Variants in GPC5 observed in about 807,000 individuals in gnomAD.
GPC5 encodes the protein glypican 5.
In GPC5, 47 loss-of-function variants were observed where a neutral mutation model predicts 53.9. The ratio of observed to expected loss-of-function variants is 0.87; its 90% confidence interval spans 0.69 to 1.11. The LOEUF (loss-of-function observed/expected upper bound fraction) is 1.11, where lower values mean the gene tolerates loss of function less well. GPC5 is among the 50% of genes most tolerant of loss of function. The pLI is 0.00. For missense variants in GPC5, 748 were observed against 713.1 expected (o/e 1.05, Z -0.56); for synonymous variants, 286 against 263.3 (o/e 1.09, Z -0.84).
intron 7 of GPC5, among the ~76,000 whole-genome samples, chr13:92,839,764 A>G (rs1326003465): frequency 6.6e-6 from 1 of 152,128 alleles, no homozygotes; most frequent in African/African-American, 2.4e-5. Flanking sequence ...TGAAGAAAAG[A>G]GAGACTACTC....
In GPC5 at chr13:92,297,840, A is replaced by G. The variant is rs182954089; in HGVS notation, c.1561+152851A>G. Among the ~76,000 whole-genome samples the G allele has an allele frequency of 4.7e-3, 713 of 151,230 alleles. 7 individuals carry two copies. The highest frequency in any genetic ancestry group is 0.016 in the African/African-American group (679 of 41,190). Reference sequence around the variant, plus strand: ...TGTTCTTTTGCTCTTGCTACTGCTCACTCTTTGGGTCCACGCTGCTTTTAT... The same window carrying G: ...TGTTCTTTTGCTCTTGCTACTGCTCGCTCTTTGGGTCCACGCTGCTTTTAT... On this transcript the variant is annotated intron_variant, in intron 7 of 7. Transcript: ENST00000377067.
intron 4 of GPC5, among the ~76,000 whole-genome samples, chr13:91,756,024 C>G (rs1424561546): frequency 6.7e-6 from 1 of 149,814 alleles, no homozygotes; most frequent in African/African-American, 2.5e-5. Flanking sequence ...AGATTCATAC[C>G]CAGTGAACCT....
intron 5 of GPC5, among the ~76,000 whole-genome samples, chr13:91,757,276 T>C (rs1029997791): frequency 1.3e-5 from 2 of 152,110 alleles, no homozygotes; most frequent in African/African-American, 4.8e-5. Flanking sequence ...ATAAATATAT[T>C]TTTTATTTGT....
At chr13:91,946,810 T>C (rs2039978711) in intron 6 of GPC5, among the ~76,000 whole-genome samples, 1 of 152,212 alleles carries the variant, frequency 6.6e-6, no homozygotes, top group South Asian at 2.1e-4. Flanking sequence ...TGAGTCTGTT[T>C]CATAGCTTGG....
At chr13:92,095,050 T>C (rs1005606366) in intron 6 of GPC5, among the ~76,000 whole-genome samples, 30 of 152,132 alleles carry the variant, frequency 2.0e-4, no homozygotes, top group Non-Finnish European at 4.4e-5. Context: ...AGCTCAAACA[T>C]TTCTTAAAAA....
At chr13:91,678,446 A>G (rs1485064633) in intron 2 of GPC5, among the ~76,000 whole-genome samples, 1 of 152,220 alleles carries the variant, frequency 6.6e-6, no homozygotes, top group Non-Finnish European at 1.5e-5. Context: ...AAGCTAACAG[A>G]AACAAATGGA....
intron 7 of GPC5, among the ~76,000 whole-genome samples, chr13:92,850,815 T>C (rs1182542834): frequency 6.6e-6 from 1 of 152,154 alleles, no homozygotes; most frequent in Non-Finnish European, 1.5e-5. Context: ...CTCAGTACAG[T>C]TGAGGGTAAA....
intron 7 of GPC5, among the ~76,000 whole-genome samples, chr13:92,651,185 C>A (rs1293072563): frequency 6.6e-6 from 1 of 151,414 alleles, no homozygotes; most frequent in Non-Finnish European, 1.5e-5. Context: ...ATATGTATAT[C>A]TATCCTATTA....
chr13:92,628,825 C>T (rs1271427226), intron 7 of GPC5, among the ~76,000 whole-genome samples: 1 of 152,170 alleles, frequency 6.6e-6, no homozygotes, highest in Non-Finnish European at 1.5e-5. Flanking sequence ...TCCTGCTCCT[C>T]TCATGGAACT....
intron 6 of GPC5, among the ~76,000 whole-genome samples, chr13:91,943,945 T>C (rs1393137526): frequency 3.3e-5 from 5 of 152,150 alleles, no homozygotes; most frequent in Non-Finnish European, 7.4e-5. Flanking sequence ...TCTTTCATGT[T>C]GATTACAACT....
At chr13:92,118,042 A>C (rs2041614631) in intron 6 of GPC5, among the ~76,000 whole-genome samples, 1 of 151,580 alleles carries the variant, frequency 6.6e-6, no homozygotes, top group Non-Finnish European at 1.5e-5. Context: ...GAAATTAATC[A>C]GAGAGTCGCC....
At chr13:91,529,145 G>A (rs776685403) in intron 2 of GPC5, among the ~76,000 whole-genome samples, 6 of 152,142 alleles carry the variant, frequency 3.9e-5, no homozygotes, top group South Asian at 2.1e-4. Context: ...AGAATAAGGC[G>A]TTCTGTTTTG....
intron 6 of GPC5, among the ~76,000 whole-genome samples, chr13:92,011,623 T>C (rs2040662409): frequency 1.3e-5 from 2 of 152,170 alleles, no homozygotes; most frequent in Non-Finnish European, 2.9e-5. Flanking sequence ...TGGCATCCTC[T>C]TATGGGGTAT....
chr13:91,652,588 A>ATGAT (rs1188356293), intron 2 of GPC5, among the ~76,000 whole-genome samples: 2 of 152,184 alleles, frequency 1.3e-5, no homozygotes, highest in Non-Finnish European at 2.9e-5. Context: ...GCACAAAGGG[A>ATGAT]TGATTCATGC....
At chr13:91,772,708 G>A (rs1340054268) in intron 5 of GPC5, among the ~76,000 whole-genome samples, 1 of 152,122 alleles carries the variant, frequency 6.6e-6, no homozygotes, top group Non-Finnish European at 1.5e-5. Flanking sequence ...AAACTTTTAA[G>A]AACTTATGCT....
intron 2 of GPC5, among the ~76,000 whole-genome samples, chr13:91,554,905 C>G (rs58813405): frequency 0.25 from 38,583 of 151,992 alleles, 5,502 homozygotes; most frequent in African/African-American, 0.39. Context: ...TCTCTCTTAG[C>G]CCATCTCCCA....
At chr13:92,077,192 A>G (rs1157288124) in intron 6 of GPC5, among the ~76,000 whole-genome samples, 1 of 152,092 alleles carries the variant, frequency 6.6e-6, no homozygotes, top group Non-Finnish European at 1.5e-5. Context: ...ACCAAGCTGT[A>G]CCCCAACCAC....
chr13:92,495,955 A>T, intron 7 of GPC5, among the ~76,000 whole-genome samples: 1 of 152,116 alleles, frequency 6.6e-6, no homozygotes, highest in Non-Finnish European at 1.5e-5. Flanking sequence ...GCTTTTCAAC[A>T]ATTTTTTTTA....
At chr13:92,343,914 T>G (rs1050040502) in intron 7 of GPC5, among the ~76,000 whole-genome samples, 1 of 152,160 alleles carries the variant, frequency 6.6e-6, no homozygotes, top group African/African-American at 2.4e-5. Flanking sequence ...ATCTATTGTC[T>G]TCTCTGTTTC....
Sources: gnomAD v4.1 joint callset for allele counts (sites outside exome capture counted in the v4.1 genomes callset) on GRCh38, gnomAD v4.1.1 for gene constraint, MANE v1.5 for transcripts, NCBI Gene and HGNC (gene_info 2026-07-23, HGNC 2026-07-21) for gene names.